Variants in SNTG2 observed in about 807,000 individuals in gnomAD.
The protein encoded by SNTG2 is gamma-2-syntrophin.
SNTG2 carries 74 observed loss-of-function variants against 70.9 expected under a neutral mutation model. The ratio of observed to expected loss-of-function variants is 1.04; its 90% CI spans 0.86 to 1.27. SNTG2 has a LOEUF of 1.27. SNTG2 is among the 50% of genes most tolerant of loss of function. The probability of loss-of-function intolerance (pLI) is 0.00; values close to 1 mark genes in which losing one functional copy is unlikely to be tolerated. For synonymous variants in SNTG2, 278 were observed against 273.8 expected (o/e 1.02, Z -0.15); for missense variants, 717 against 690.7 (o/e 1.04, Z -0.43).
intron 8 of SNTG2, among the ~76,000 whole-genome samples, chr2:1,183,655 TTATA>T (rs529351951): frequency 1.3e-5 from 2 of 152,216 alleles, no homozygotes; most frequent in African/African-American, 2.4e-5. Context: ...TTTATTTTTA[TTATA>T]TATATGTGTG....
rs79572936 is a variant in SNTG2 at position 1,138,119 on chromosome 2, G to A, written c.411+310G>A. 8.1e-3 allele frequency among the ~76,000 whole-genome samples: 1,237 copies of A among 152,346 alleles called. 17 individuals are homozygous for A. Among genetic ancestry groups the A allele is most frequent in the African/African-American group, 0.028 (1,145 of 41,576 alleles). On this transcript the variant is annotated intron_variant, in intron 6 of 16. Transcript: ENST00000308624. ...AGCAGGTGACTCACCCGGGATTCCT[G>A]AAGTGTTATCATCGTGCTGAGCACA...
intron 9 of SNTG2, among the ~76,000 whole-genome samples, chr2:1,212,235 TG>T (rs1674094075): frequency 6.6e-6 from 1 of 152,150 alleles, no homozygotes; most frequent in South Asian, 2.1e-4. Flanking sequence ...TCCTGATATC[TG>T]GTCATTTAAA....
At chr2:1,056,823 G>A (rs1662461840) in intron 1 of SNTG2, among the ~76,000 whole-genome samples, 2 of 53,254 alleles carry the variant, frequency 3.8e-5, no homozygotes, top group Non-Finnish European at 7.2e-5. Context: ...TGGGGCGGGA[G>A]GGAGAGGGCG....
intron 16 of SNTG2, among the ~76,000 whole-genome samples, chr2:1,324,328 T>C (rs752083498): frequency 1.5e-4 from 23 of 152,248 alleles, no homozygotes; most frequent in Non-Finnish European, 2.6e-4. Context: ...CTCTAGTCTT[T>C]GGAATGCCAC....
chr2:1,063,278 A>G (rs1003737518), intron 1 of SNTG2, among the ~76,000 whole-genome samples: 7 of 152,212 alleles, frequency 4.6e-5, no homozygotes, highest in African/African-American at 1.7e-4. Context: ...GGAGAAACCA[A>G]CTGGACCTTA....
intron 1 of SNTG2, among the ~76,000 whole-genome samples, chr2:1,003,015 C>T (rs1342485799): frequency 6.6e-6 from 1 of 152,024 alleles, no homozygotes; most frequent in African/African-American, 2.4e-5. Flanking sequence ...TCCTGCATGT[C>T]CCTGCATGTT....
intron 9 of SNTG2, among the ~76,000 whole-genome samples, chr2:1,218,687 C>T (rs1289540657): frequency 2.0e-5 from 3 of 152,186 alleles, no homozygotes; most frequent in South Asian, 2.1e-4. Context: ...AGAGGAAGAG[C>T]TGTGGTGCCT....
intron 1 of SNTG2, among the ~76,000 whole-genome samples, chr2:1,002,708 AAAAAT>A (rs1401521792): frequency 6.6e-6 from 1 of 151,136 alleles, no homozygotes; most frequent in Non-Finnish European, 1.5e-5. Context: ...AAAAAAACCT[AAAAAT>A]AAAACTGCCA....
intron 16 of SNTG2, among the ~76,000 whole-genome samples, chr2:1,361,715 G>T (rs1661161643): frequency 1.7e-5 from 1 of 59,276 alleles, no homozygotes; most frequent in Non-Finnish European, 3.8e-5. Context: ...TTCTGTGAAG[G>T]TCACCGATGC....
chr2:971,427 G>T (rs1478884943), intron 1 of SNTG2, among the ~76,000 whole-genome samples: 1 of 151,736 alleles, frequency 6.6e-6, no homozygotes, highest in Non-Finnish European at 1.5e-5. Flanking sequence ...TTTCTTTTAG[G>T]TTTTTTAGTT....
intron 16 of SNTG2, among the ~76,000 whole-genome samples, chr2:1,358,944 C>T (rs1660999549): frequency 6.6e-6 from 1 of 152,006 alleles, no homozygotes; most frequent in Admixed American, 6.6e-5. Flanking sequence ...GAACTCTGCT[C>T]CTATTGTTGT....
chr2:1,340,178 A>G (rs571315231), intron 16 of SNTG2, among the ~76,000 whole-genome samples: 61 of 152,356 alleles, frequency 4.0e-4, no homozygotes, highest in African/African-American at 1.5e-3. Context: ...GTCTAAATTT[A>G]CTGATTTAGG....
intron 10 of SNTG2, among the ~76,000 whole-genome samples, chr2:1,238,582 T>A (rs995246126): frequency 3.3e-5 from 5 of 152,060 alleles, no homozygotes; most frequent in African/African-American, 1.2e-4. Flanking sequence ...TGAAAAGAGA[T>A]GGGGTGGGAA....
At chr2:1,233,827 A>G (rs1184150805) in intron 9 of SNTG2, among the ~76,000 whole-genome samples, 1 of 151,936 alleles carries the variant, frequency 6.6e-6, no homozygotes, top group Non-Finnish European at 1.5e-5. Flanking sequence ...TAGACTTTTC[A>G]AAAGTGCCGA....
At chr2:965,398 T>C (rs1660518442) in intron 1 of SNTG2, among the ~76,000 whole-genome samples, 1 of 146,612 alleles carries the variant, frequency 6.8e-6, no homozygotes, top group Non-Finnish European at 1.5e-5. Context: ...TCCTCCTCCT[T>C]GGACCCTTGT....
intron 1 of SNTG2, among the ~76,000 whole-genome samples, chr2:1,011,615 C>G (rs903784821): frequency 5.3e-5 from 8 of 151,906 alleles, no homozygotes; most frequent in African/African-American, 1.9e-4. Flanking sequence ...CTATTTCTGA[C>G]CTTGAGGAAA....
intron 15 of SNTG2, among the ~76,000 whole-genome samples, chr2:1,312,215 G>C (rs950603288): frequency 6.6e-6 from 1 of 150,654 alleles, no homozygotes; most frequent in Non-Finnish European, 1.5e-5. Flanking sequence ...TCGATGCAAA[G>C]TTTTTTTTTT....
At chr2:1,104,109 G>A (rs1034970516) in intron 4 of SNTG2, among the ~76,000 whole-genome samples, 3 of 152,186 alleles carry the variant, frequency 2.0e-5, no homozygotes, top group Non-Finnish European at 4.4e-5. Context: ...TAAAGAGTTT[G>A]CACAGGGACA....
intron 1 of SNTG2, among the ~76,000 whole-genome samples, chr2:1,033,615 T>A (rs1660966035): frequency 6.6e-6 from 1 of 152,222 alleles, no homozygotes; most frequent in Non-Finnish European, 1.5e-5. Context: ...TAGCCTTTGA[T>A]CAACTTTTGG....
Sources: allele counts gnomAD v4.1 joint callset (sites outside exome capture counted in the v4.1 genomes callset), GRCh38; gene constraint gnomAD v4.1.1; transcripts MANE v1.5; gene names NCBI Gene and HGNC (gene_info 2026-07-23, HGNC 2026-07-21).